Variants in BORCS6 observed in about 807,000 individuals in gnomAD.
BORCS6 encodes the protein BLOC-1-related complex subunit 6.
A neutral mutation model predicts 17.0 loss-of-function variants in BORCS6; 12 were observed. The observed-to-expected ratio is 0.71, with a 90% confidence interval of 0.45 to 1.15. The LOEUF (loss-of-function observed/expected upper bound fraction) is 1.15. Among genes scored for constraint, BORCS6 ranks in the 50% most tolerant of loss-of-function variants. The pLI is 0.00. For synonymous variants in BORCS6, 262 were observed against 241.7 expected (o/e 1.08, Z -0.78); for missense variants, 513 against 515.0 (o/e 1.00, Z 0.04).
rs770864768 is a variant in BORCS6, at chr17:8,189,511, G to A, written c.630C>T (p.His210=). 3 of 1,571,892 alleles carry A rather than the reference G, an allele frequency of 1.9e-6. No homozygotes were observed. ...TGGCGACAAAGTGGGTAAGGTCGCC[G>A]TGGCGGCTCACTGTGCCTTCGAGCT... ...PLELEGTVSR[H]GDLTHFVANN... The change falls in exon 1 of 1, where the codon CAC becomes CAT. Residue 210 remains histidine (H), a synonymous_variant. Coordinates refer to ENST00000389017, the MANE Select transcript of BORCS6 (RefSeq NM_017622.3). This position sits in a 1 kb window ranked among gnomAD's most constrained non-coding sequence, Gnocchi z 7.8.
chr17:8,190,112 G>C lies in BORCS6; in HGVS notation c.29C>G (p.Pro10Arg). MESSRGRPG[P>R]ETDLLAVAEH... ...CGCTACAGCCAGAAGGTCCGTCTCG[G>C]GCCCGGGCCGCCCCCGAGACGACTC... The change falls in exon 1 of 1, where the codon CCC (proline) becomes CGC (arginine). Residue 10 changes from proline to arginine, a missense_variant. Physicochemically the swap from Pro to Arg is moderately radical, Grantham distance 103. Coordinates refer to ENST00000389017, the MANE Select transcript of BORCS6 (RefSeq NM_017622.3). The C allele has an allele frequency of 6.5e-7, 1 of 1,549,794 alleles. No homozygotes were observed. Among genetic ancestry groups the C allele is most frequent in the Non-Finnish European group, 8.7e-7 (1 of 1,146,724 alleles).
In BORCS6 at chr17:8,189,064, T is replaced by C. The variant is rs773320252; in HGVS notation, c.*3A>G. On this transcript the variant is annotated 3_prime_UTR_variant, in exon 1 of 1. Coordinates refer to ENST00000389017, the MANE Select transcript of BORCS6 (RefSeq NM_017622.3). The surrounding 1 kb of genome is among the most constrained non-coding windows in gnomAD (Gnocchi z 7.8). ...CCAGGACCGGCCTCTCCTGTCCTCC[T>C]GGTCACTTGCACAGGGCCTCCAACA... is the stretch of plus-strand genomic sequence containing the variant. 15 of 1,614,068 alleles carry C rather than the reference T, an allele frequency of 9.3e-6. No homozygotes were observed. The South Asian group carries it at 1.5e-4, about 17-fold the overall frequency.
chr17:8,190,117 G>A lies in BORCS6; in HGVS notation c.24C>T (p.Pro8=), dbSNP rs1225360901. ...CAGCCAGAAGGTCCGTCTCGGGCCC[G>A]GGCCGCCCCCGAGACGACTCCATAC... MESSRGR[P]GPETDLLAVA... Residue 8 remains proline (P), a synonymous_variant, in exon 1 of 1, where the codon CCC becomes CCT. Transcript: ENST00000389017. 1.9e-6 allele frequency: 3 copies of A among 1,549,588 alleles called. No homozygotes were observed. The highest frequency in any genetic ancestry group is 1.2e-5 in the South Asian group (1 of 84,026).
Position 8,189,871 on chromosome 17 carries a change from C to G in BORCS6, c.270G>C (p.Gly90=). ...CCGGCGCCCCCCTGCGGCTCCCGGC[C>G]CCAGACAGCGTCCCTTGAGGGCCGG... is the stretch of plus-strand genomic sequence containing the variant. ...NEPGPQGTLS[G]AGSRRGAPGA... The change falls in exon 1 of 1, where the codon GGG becomes GGC. Residue 90 remains glycine (G), a synonymous_variant. Transcript: ENST00000389017. This position sits in a 1 kb window ranked among gnomAD's most constrained non-coding sequence, Gnocchi z 7.8. 2 of 1,547,594 alleles carry G rather than the reference C, an allele frequency of 1.3e-6. No homozygotes were observed. Among genetic ancestry groups the G allele is most frequent in the Non-Finnish European group, 1.7e-6 (2 of 1,147,050 alleles).
Position 8,189,440 on chromosome 17 carries a change from G to A in BORCS6, c.701C>T (p.Pro234Leu), listed in dbSNP as rs767816577. ...GCAGGGCCGCGCAGGGGCAGAAGGCGGGGGTGGAGGCGCGCCGCTCAGACG... is the reference window on the plus strand; with the variant it reads ...GCAGGGCCGCGCAGGGGCAGAAGGCAGGGGTGGAGGCGCGCCGCTCAGACG... ...KIRLSGAPPP[P>L]PSAPARPCPA... The change falls in exon 1 of 1, where the codon CCG becomes CTG. Residue 234 changes from proline (P) to leucine (L), a missense_variant. Physicochemically the swap from Pro to Leu is moderately conservative, Grantham distance 98. Coordinates refer to ENST00000389017, the MANE Select transcript of BORCS6 (RefSeq NM_017622.3). The surrounding 1 kb of genome is among the most constrained non-coding windows in gnomAD (Gnocchi z 7.8). 1.0e-5 allele frequency: 16 copies of A among 1,567,952 alleles called. No individual in the cohort carries two copies. Among genetic ancestry groups the A allele is most frequent in the Non-Finnish European group, 1.3e-5 (15 of 1,156,866 alleles).
At position 8,189,028 on chromosome 17, in the gene BORCS6, C is replaced by T; in HGVS notation, c.*39G>A. The T allele has an allele frequency of 1.9e-6, 3 of 1,613,330 alleles. No individual in the cohort carries two copies. Among genetic ancestry groups the T allele is most frequent in the Non-Finnish European group, 2.5e-6 (3 of 1,179,808 alleles). On this transcript the variant is annotated 3_prime_UTR_variant, in exon 1 of 1. Transcript: ENST00000389017. The surrounding 1 kb of genome is among the most constrained non-coding windows in gnomAD (Gnocchi z 7.8). Reference sequence around the variant, plus strand: ...GAAGAGTCCTTAGGGTCCTGCTGGGCCCTGCCCTGGCCAGGACCGGCCTCT... The same window carrying T: ...GAAGAGTCCTTAGGGTCCTGCTGGGTCCTGCCCTGGCCAGGACCGGCCTCT...
chr17:8,190,020 G>A lies in BORCS6; in HGVS notation c.121C>T (p.Arg41Trp). The change falls in exon 1 of 1, where the codon CGG becomes TGG. Residue 41 changes from arginine to tryptophan, a missense_variant. Coordinates refer to ENST00000389017, the MANE Select transcript of BORCS6 (RefSeq NM_017622.3). ...TCGGTCTCTTCCTCCCCGGACACCC[G>A]GAGGCCTGCGGGCGGCTCAGAGGAC... ...RTSSEPPAGL[R>W]VSGEEETENV... The A allele has an allele frequency of 6.5e-7, 1 of 1,550,068 alleles. No individual in the cohort carries two copies. The highest frequency in any genetic ancestry group is 8.7e-7 in the Non-Finnish European group (1 of 1,146,840).
chr17:8,190,024 G>A lies in BORCS6; in HGVS notation c.117C>T (p.Gly39=). The change falls in exon 1 of 1, where the codon GGC becomes GGT. Residue 39 remains glycine (G), a synonymous_variant. Coordinates refer to ENST00000389017, the MANE Select transcript of BORCS6 (RefSeq NM_017622.3). ...PGRTSSEPPA[G]LRVSGEEETE... ...TCTCTTCCTCCCCGGACACCCGGAG[G>A]CCTGCGGGCGGCTCAGAGGACGTTC... The A allele has an allele frequency of 6.5e-7, 1 of 1,550,122 alleles. No individual in the cohort carries two copies. Among genetic ancestry groups the A allele is most frequent in the Non-Finnish European group, 8.7e-7 (1 of 1,146,856 alleles).
In BORCS6 at chr17:8,189,923, G is replaced by C; in HGVS notation, c.218C>G (p.Pro73Arg). 1 of 1,548,824 alleles carries C rather than the reference G, an allele frequency of 6.5e-7. No homozygotes were observed. The highest frequency in any genetic ancestry group is 8.7e-7 in the Non-Finnish European group (1 of 1,146,762). Residue 73 changes from proline to arginine, a missense_variant, in exon 1 of 1, where the codon CCG (proline) becomes CGG (arginine). Transcript: ENST00000389017. This position sits in a 1 kb window ranked among gnomAD's most constrained non-coding sequence, Gnocchi z 7.8. The stretch of plus-strand genomic sequence containing the variant: ...CTCGTTCTCCAGAGCCTCCCGTTCC[G>C]GCCGGTGGACGACGCCGCAGCTTGA... ...KTSSCGVVHR[P>R]EREALENEPG...
In BORCS6 at chr17:8,189,671, C is replaced by A. The variant is rs754812108; in HGVS notation, c.470G>T (p.Arg157Leu). The A allele has an allele frequency of 1.3e-6, 2 of 1,598,310 alleles. No homozygotes were observed. Among genetic ancestry groups the A allele is most frequent in the Non-Finnish European group, 1.7e-6 (2 of 1,179,446 alleles). ...GTCCTGAAGACGGCTGGAGAACGAG[C>A]GGCCGGCTCTGCTGCCCGCGGCCGC... is the stretch of plus-strand genomic sequence containing the variant. Reference protein sequence around the residue: ...EEAAAGSRAGRSFSSRLQDSR... With the variant: ...EEAAAGSRAGLSFSSRLQDSR... The change falls in exon 1 of 1, where the codon CGC becomes CTC. Residue 157 changes from arginine to leucine, a missense_variant. Arg to Leu is a moderately radical substitution (Grantham distance 102). Coordinates refer to ENST00000389017, the MANE Select transcript of BORCS6 (RefSeq NM_017622.3). This position sits in a 1 kb window ranked among gnomAD's most constrained non-coding sequence, Gnocchi z 7.8.
In BORCS6 at chr17:8,189,191, C is replaced by T. The variant is rs1235906578; in HGVS notation, c.950G>A (p.Gly317Asp). ...GCAGCGCGCCAGCAGGGTGTACATG[C>T]CCTTGATGCTCATGTCCACGGCTTC... ...LGEAVDMSIK[G>D]MYTLLARCEE... The change falls in exon 1 of 1, where the codon GGC becomes GAC. Residue 317 changes from glycine (G) to aspartate (D), a missense_variant. Physicochemically the swap from Gly to Asp is moderately conservative, Grantham distance 94. Coordinates refer to ENST00000389017, the MANE Select transcript of BORCS6 (RefSeq NM_017622.3). This position sits in a 1 kb window ranked among gnomAD's most constrained non-coding sequence, Gnocchi z 7.8. The T allele has an allele frequency of 6.2e-7, 1 of 1,614,160 alleles. No homozygotes were observed. Among genetic ancestry groups the T allele is most frequent in the Admixed American group, 1.7e-5 (1 of 60,034 alleles).
chr17:8,189,195 T>C lies in BORCS6; in HGVS notation c.946A>G (p.Lys316Glu). 1 of 1,614,106 alleles carries C rather than the reference T, an allele frequency of 6.2e-7. No homozygotes were observed. The change falls in exon 1 of 1, where the codon AAG becomes GAG. Residue 316 changes from lysine (K) to glutamate (E), a missense_variant. Coordinates refer to ENST00000389017, the MANE Select transcript of BORCS6 (RefSeq NM_017622.3). The surrounding 1 kb of genome is among the most constrained non-coding windows in gnomAD (Gnocchi z 7.8). ...CGCGCCAGCAGGGTGTACATGCCCT[T>C]GATGCTCATGTCCACGGCTTCACCT... Reference protein sequence around the residue: ...SLGEAVDMSIKGMYTLLARCE... With the variant: ...SLGEAVDMSIEGMYTLLARCE...
At position 8,189,934 on chromosome 17, in the gene BORCS6, G is replaced by T. The variant is rs1598283827; in HGVS notation, c.207C>A (p.Val69=). The T allele has an allele frequency of 3.2e-6, 5 of 1,548,972 alleles. No individual in the cohort carries two copies. In the South Asian group the frequency reaches 4.8e-5, roughly 15 times the overall value. Residue 69 remains valine, a synonymous_variant, in exon 1 of 1, where the codon GTC becomes GTA. Transcript: ENST00000389017. The surrounding 1 kb of genome is among the most constrained non-coding windows in gnomAD (Gnocchi z 7.8). ...GAGCCTCCCGTTCCGGCCGGTGGAC[G>T]ACGCCGCAGCTTGACGTCTTCGGGG... ...RTSPKTSSCG[V]VHRPEREALE...
rs780691268 is a variant in BORCS6 at position 8,189,043 on chromosome 17, G to A, written c.*24C>T. 7 of 1,613,852 alleles carry A rather than the reference G, an allele frequency of 4.3e-6. No individual in the cohort carries two copies. The highest frequency in any genetic ancestry group is 1.7e-5 in the Admixed American group (1 of 60,018). ...TCCTGCTGGGCCCTGCCCTGGCCAG[G>A]ACCGGCCTCTCCTGTCCTCCTGGTC... is the stretch of plus-strand genomic sequence containing the variant. On this transcript the variant is annotated 3_prime_UTR_variant, in exon 1 of 1. Coordinates refer to ENST00000389017, the MANE Select transcript of BORCS6 (RefSeq NM_017622.3). This position sits in a 1 kb window ranked among gnomAD's most constrained non-coding sequence, Gnocchi z 7.8.
At position 8,190,046 on chromosome 17, in the gene BORCS6, G is replaced by A. The variant is rs1428369985; in HGVS notation, c.95C>T (p.Thr32Met). The change falls in exon 1 of 1, where the codon ACG (threonine) becomes ATG (methionine). Residue 32 changes from threonine to methionine, a missense_variant. By Grantham distance (81) the Thr-to-Met change is moderately conservative. Coordinates refer to ENST00000389017, the MANE Select transcript of BORCS6 (RefSeq NM_017622.3). Reference protein sequence around the residue: ...ALVFGGGPGRTSSEPPAGLRV... With the variant: ...ALVFGGGPGRMSSEPPAGLRV... ...GAGGCCTGCGGGCGGCTCAGAGGAC[G>A]TTCGGCCCGGCCCGCCGCCAAAGAC... The A allele has an allele frequency of 1.9e-6, 3 of 1,550,008 alleles. No homozygotes were observed. Among genetic ancestry groups the A allele is most frequent in the African/African-American group, 1.4e-5 (1 of 73,032 alleles).
rs373731897 is a variant in BORCS6 at position 8,189,150 on chromosome 17, C to T, written c.991G>A (p.Ala331Thr). 16 of 1,614,108 alleles carry T rather than the reference C, an allele frequency of 9.9e-6. No homozygotes were observed. Among genetic ancestry groups the T allele is most frequent in the Non-Finnish European group, 1.4e-5 (16 of 1,180,024 alleles). ...LLARCEELER[A>T]LQPVQGLARQ... The stretch of plus-strand genomic sequence containing the variant: ...GCCAGCCCCTGAACCGGCTGCAGAG[C>T]CCGCTCCAGCTCCTCGCAGCGCGCC... Residue 331 changes from alanine to threonine, a missense_variant, in exon 1 of 1, where the codon GCT becomes ACT. Ala to Thr is a moderately conservative substitution (Grantham distance 58). Transcript: ENST00000389017. The surrounding 1 kb of genome is among the most constrained non-coding windows in gnomAD (Gnocchi z 7.8).
Position 8,189,851 on chromosome 17 carries a change from G to C in BORCS6, c.290C>G (p.Ala97Gly), listed in dbSNP as rs748434754. The change falls in exon 1 of 1, where the codon GCG becomes GGG. Residue 97 changes from alanine (A) to glycine (G), a missense_variant. Ala to Gly is a moderately conservative substitution (Grantham distance 60). Transcript: ENST00000389017. This position sits in a 1 kb window ranked among gnomAD's most constrained non-coding sequence, Gnocchi z 7.8. ...GGAAGGTTCGTGCTCTGCACCCGGC[G>C]CCCCCCTGCGGCTCCCGGCCCCAGA... ...TLSGAGSRRG[A>G]PGAEHEPSLS... 6 of 1,550,990 alleles carry C rather than the reference G, an allele frequency of 3.9e-6. No individual in the cohort carries two copies. In the Admixed American group the frequency reaches 9.7e-5, roughly 25 times the overall value.
rs1984606214 is a variant in BORCS6 at position 8,190,037 on chromosome 17, T to C, written c.104A>G (p.Glu35Gly). ...GGACACCCGGAGGCCTGCGGGCGGC[T>C]CAGAGGACGTTCGGCCCGGCCCGCC... is the stretch of plus-strand genomic sequence containing the variant. Reference protein sequence around the residue: ...FGGGPGRTSSEPPAGLRVSGE... With the variant: ...FGGGPGRTSSGPPAGLRVSGE... The change falls in exon 1 of 1, where the codon GAG becomes GGG. Residue 35 changes from glutamate (E) to glycine (G), a missense_variant. Physicochemically the swap from Glu to Gly is moderately conservative, Grantham distance 98 (BLOSUM62 -2). Transcript: ENST00000389017. 6.5e-7 allele frequency: 1 copy of C among 1,549,898 alleles called. No individual in the cohort carries two copies. The highest frequency in any genetic ancestry group is 1.4e-5 in the African/African-American group (1 of 72,972).
chr17:8,188,487 G>C lies in BORCS6; in HGVS notation c.*580C>G, dbSNP rs1229206859. On this transcript the variant is annotated 3_prime_UTR_variant, in exon 1 of 1. Coordinates refer to ENST00000389017, the MANE Select transcript of BORCS6 (RefSeq NM_017622.3). ...AGACGCCTCCCACCTCACCCCCTCCGCCGTGCAACCCATTCCTCCTAGCTG... is the reference window on the plus strand; with the variant it reads ...AGACGCCTCCCACCTCACCCCCTCCCCCGTGCAACCCATTCCTCCTAGCTG... The C allele has an allele frequency of 1.9e-5, 3 of 160,568 alleles. No individual in the cohort carries two copies. The highest frequency in any genetic ancestry group is 7.2e-5 in the African/African-American group (3 of 41,498). 9.9% of individuals were successfully genotyped at this position (160,568 alleles called of 1,614,324 possible). A position where few individuals can be genotyped will look rare whatever the true frequency, so the allele number is the denominator to read the frequency against.
Sources: allele counts gnomAD v4.1 joint callset, GRCh38; gene constraint gnomAD v4.1.1; non-coding constraint Gnocchi (gnomAD v3.1); transcripts MANE v1.5; gene names NCBI Gene and HGNC (gene_info 2026-07-23, HGNC 2026-07-21).